BBS2: variants seen among roughly 807,000 people sequenced by gnomAD.
BBS2 encodes Bardet-Biedl syndrome 2.
A neutral mutation model predicts 83.0 loss-of-function variants in BBS2; 62 were observed. The ratio of observed to expected loss-of-function variants is 0.75; its 90% CI spans 0.61 to 0.92. The LOEUF is 0.92. Ranked by LOEUF, BBS2 falls within the 40% of genes least tolerant of loss-of-function variation. The pLI, the probability that BBS2 is intolerant of heterozygous loss-of-function variation, is 0.00. For missense variants in BBS2, 784 were observed against 901.0 expected, an observed-to-expected ratio of 0.87 and a Z score of 1.66; for synonymous variants, 303 against 326.1, an observed-to-expected ratio of 0.93 and a Z score of 0.76.
chr16:56,497,043 C>T lies in BBS2; in HGVS notation c.1834G>A (p.Ala612Thr). The stretch of plus-strand genomic sequence containing the variant: ...AAATTAGAATGATCAGCCATATCAG[C>T]ACTGAGCTTCTGATGCACTGAATGA... ...EYHSVHQKLS[A>T]DMADHSNLIR... Residue 612 changes from alanine (A) to threonine (T), a missense_variant, in exon 15 of 17, where the codon GCT (alanine) becomes ACT (threonine). Transcript: ENST00000245157. The T allele has an allele frequency of 6.2e-7, 1 of 1,614,062 alleles. No homozygotes were observed. The highest frequency in any genetic ancestry group is 8.5e-7 in the Non-Finnish European group (1 of 1,179,918).
intron 1 of BBS2, among the ~76,000 whole-genome samples, chr16:56,518,264 GA>G (rs1477198189): frequency 1.3e-5 from 2 of 151,954 alleles, no homozygotes; most frequent in African/African-American, 4.8e-5. Flanking sequence ...AATATACATG[GA>G]AGTGTCCTAA....
Position 56,485,691 on chromosome 16 carries a change from T to A in BBS2, c.1958A>T (p.Asp653Val), listed in dbSNP as rs754870847. ...GCGAATTTTATATCCATTTAGCAAGTCTCTATTAAGGTCATAGAGTTCCAT... is the reference window on the plus strand; with the variant it reads ...GCGAATTTTATATCCATTTAGCAAGACTCTATTAAGGTCATAGAGTTCCAT... The part of the protein sequence containing the change: ...RYMELYDLNR[D>V]LLNGYKIRCN... The change falls in exon 16 of 17, where the codon GAC becomes GTC. Residue 653 changes from aspartate (D) to valine (V), a missense_variant. By Grantham distance (152) the Asp-to-Val change is radical (BLOSUM62 -3). Transcript: ENST00000245157. The A allele has an allele frequency of 6.2e-7, 1 of 1,613,816 alleles. No homozygotes were observed. The highest frequency in any genetic ancestry group is 8.5e-7 in the Non-Finnish European group (1 of 1,179,696).
At chr16:56,500,738 G>T in intron 11 of BBS2, 116 bp downstream of exon 11, 3 of 1,078,214 alleles carry the variant, frequency 2.8e-6, no homozygotes, top group Non-Finnish European at 4.1e-6. Context: ...TGGGTAGACA[G>T]AACCATTAAA....
intron 9 of BBS2, 105 bp downstream of exon 9, chr16:56,502,212 C>T: frequency 6.7e-7 from 1 of 1,502,598 alleles, no homozygotes; most frequent in South Asian, 1.1e-5. Context: ...GCAAAAAGGC[C>T]ACACCCTGGC....
chr16:56,510,116 T>A (rs1465660936), intron 4 of BBS2, 82 bp from the exon 5 acceptor site: 1 of 1,233,754 alleles, frequency 8.1e-7, no homozygotes, highest in Non-Finnish European at 1.2e-6. Flanking sequence ...AATTGCACAG[T>A]ACTTTGCATG....
chr16:56,471,311 G>A (rs931461787), intron 17 of BBS2, among the ~76,000 whole-genome samples: 4 of 150,804 alleles, frequency 2.7e-5, no homozygotes, highest in Admixed American at 6.6e-5. Context: ...GCAGTGAGTC[G>A]AGATTGCACC....
Position 56,502,046 on chromosome 16 carries a change from C to T in BBS2, c.1080+271G>A, listed in dbSNP as rs74788130. On this transcript the variant is annotated intron_variant, in intron 9 of 16. Transcript: ENST00000245157. ...CTTAGCACATACTCCCTACTGCTGACGAACATCTAAGTTTCTTCCAGCTGT... is the reference window on the plus strand; with the variant it reads ...CTTAGCACATACTCCCTACTGCTGATGAACATCTAAGTTTCTTCCAGCTGT... 940 of 502,774 alleles carry T rather than the reference C, an allele frequency of 1.9e-3. 8 individuals are homozygous for T. The highest frequency in any genetic ancestry group is 0.017 in the African/African-American group (855 of 51,686). The allele number at this position is 502,774 out of a possible 1,614,324, so 31.1% of individuals were successfully genotyped here.
intron 5 of BBS2, among the ~76,000 whole-genome samples, chr16:56,508,635 C>T (rs1313534744): frequency 6.7e-6 from 1 of 149,446 alleles, no homozygotes; most frequent in Non-Finnish European, 1.5e-5. Flanking sequence ...ACTCTTAACA[C>T]TGTTACTTCT....
chr16:56,474,813 T>C, intron 17 of BBS2: 2 of 1,585,974 alleles, frequency 1.3e-6, no homozygotes, highest in Non-Finnish European at 1.7e-6. Context: ...TTCTCATCTT[T>C]TTTTTTTTCC....
intron 1 of BBS2, among the ~76,000 whole-genome samples, chr16:56,517,750 C>T (rs1449612419): frequency 6.6e-6 from 1 of 151,922 alleles, no homozygotes; most frequent in Non-Finnish European, 1.5e-5. Flanking sequence ...GGGATATTTT[C>T]AGCCCATTTA....
In BBS2 at chr16:56,498,521, G is replaced by C; in HGVS notation, c.1575C>G (p.His525Gln). Residue 525 changes from histidine (H) to glutamine (Q), a missense_variant, in exon 13 of 17, where the codon CAC becomes CAG. His to Gln is a conservative substitution (Grantham distance 24). Transcript: ENST00000245157. ...GQNFLLPEDTHIQNAPFQVCF... is the reference protein window; with the variant it reads ...GQNFLLPEDTQIQNAPFQVCF... The stretch of plus-strand genomic sequence containing the variant: ...ACACTTGAAATGGAGCATTCTGAAT[G>C]TGAGTGTCTTCTGGTAACAGAAAGT... 6.2e-7 allele frequency: 1 copy of C among 1,614,060 alleles called. No homozygotes were observed. Among genetic ancestry groups the C allele is most frequent in the South Asian group, 1.1e-5 (1 of 91,082 alleles).
intron 2 of BBS2, among the ~76,000 whole-genome samples, chr16:56,513,848 A>T (rs1421871616): frequency 6.6e-6 from 1 of 152,220 alleles, no homozygotes; most frequent in Admixed American, 6.5e-5. Flanking sequence ...CATGTGAATC[A>T]TATCTTAATA....
At chr16:56,502,524 A>G in intron 8 of BBS2, 68 bp from the exon 9 acceptor site, 3 of 1,613,056 alleles carry the variant, frequency 1.9e-6, no homozygotes, top group Non-Finnish European at 2.5e-6. Flanking sequence ...CCTGCTCTTA[A>G]AAACAAAAAC....
Position 56,498,027 on chromosome 16 carries a change from A to G in BBS2, c.1660-147T>C, listed in dbSNP as rs568914844. 9.5e-6 allele frequency: 8 copies of G among 840,426 alleles called. No homozygotes were observed. The East Asian group carries it at 2.1e-4, about 22-fold the overall frequency. 52.1% of individuals were successfully genotyped at this position (840,426 alleles called of 1,614,324 possible). On this transcript the variant is annotated intron_variant, in intron 13 of 16. Transcript: ENST00000245157. ...TTGAAAAAGGAAAGTTTAGCTCTCA[A>G]AGAAATTACAAACTGCATTATTTCC...
At chr16:56,481,606 AATGTAATT>A (rs1963663420), downstream of BBS2, among the ~76,000 whole-genome samples, 1 of 152,210 alleles carries the variant, frequency 6.6e-6, no homozygotes, top group South Asian at 2.1e-4. Context: ...TTAAAGCTTC[AATGTAATT>A]CAGCAGTGAA....
intron 5 of BBS2, among the ~76,000 whole-genome samples, chr16:56,508,111 G>A (rs1361360490): frequency 1.3e-5 from 2 of 152,208 alleles, no homozygotes; most frequent in African/African-American, 4.8e-5. Flanking sequence ...TATATAAAAA[G>A]TATAGTAGGA....
intron 17 of BBS2, chr16:56,476,105 T>G (rs765418978): frequency 4.3e-6 from 7 of 1,613,940 alleles, no homozygotes; most frequent in Non-Finnish European, 5.9e-6. Context: ...AGAGAGACTC[T>G]GAAATTTGTC....
In BBS2 at chr16:56,506,224, T is replaced by G; in HGVS notation, c.613A>C (p.Ile205Leu). Residue 205 changes from isoleucine to leucine, a missense_variant and splice_region_variant, in exon 6 of 17, where the codon ATA (isoleucine) becomes CTA (leucine). By Grantham distance (5) the Ile-to-Leu change is conservative (BLOSUM62 2). Coordinates refer to ENST00000245157, the MANE Select transcript of BBS2 (RefSeq NM_031885.5). ...EIVAEMTETE[I>L]VTSLCPMYGS... Reference sequence around the variant, plus strand: ...TACATGGGACAAAGAGAGGTGACTATCTGCAAAACAATCCACAAAAACACA... The same window carrying G: ...TACATGGGACAAAGAGAGGTGACTAGCTGCAAAACAATCCACAAAAACACA... 5.6e-6 allele frequency: 9 copies of G among 1,611,042 alleles called. No individual in the cohort carries two copies. The highest frequency in any genetic ancestry group is 7.6e-6 in the Non-Finnish European group (9 of 1,177,398).
chr16:56,484,026 T>C (rs79580379), downstream of BBS2, among the ~76,000 whole-genome samples: 1 of 95,136 alleles, frequency 1.1e-5, no homozygotes, highest in Non-Finnish European at 2.0e-5. Context: ...TTTTTTTTTT[T>C]AGACGGGAGT....
Sources: allele counts gnomAD v4.1 joint callset (sites outside exome capture counted in the v4.1 genomes callset), GRCh38; gene constraint gnomAD v4.1.1; transcripts MANE v1.5; gene names NCBI Gene and HGNC (gene_info 2026-07-23, HGNC 2026-07-21).